The following LIN7B variants were observed in gnomAD, a reference collection of about 807,000 sequenced individuals.
LIN7B encodes protein lin-7 homolog B.
LIN7B carries 16 observed loss-of-function variants against 27.9 expected under a neutral mutation model. That is an observed-to-expected ratio of 0.57 (90% CI 0.39 to 0.87). The LOEUF (loss-of-function observed/expected upper bound fraction) is 0.87, where lower values mean the gene tolerates loss of function less well. LIN7B is among the 40% of genes least tolerant of loss of function. The pLI is 0.00. For missense variants in LIN7B, 291 were observed against 288.5 expected (o/e 1.01, Z -0.06); for synonymous variants, 147 against 120.8 (o/e 1.22, Z -1.42).
chr19:49,118,041 C>T (rs1452203228), intron 5 of LIN7B, 23 bp downstream of exon 5: 4 of 1,612,598 alleles, frequency 2.5e-6, no homozygotes, highest in East Asian at 4.5e-5. Context: ...GTCACCACAC[C>T]CCTGGGGCCT....
At chr19:49,118,291 T>C in intron 5 of LIN7B, 61 bp from the exon 6 acceptor site, 1 of 1,587,276 alleles carries the variant, frequency 6.3e-7, no homozygotes, top group South Asian at 1.1e-5. Flanking sequence ...ACCCCAGTCC[T>C]GCCCCTCTTG....
chr19:49,116,252 C>T lies in LIN7B; in HGVS notation c.229-11C>T. Reference sequence around the variant, plus strand: ...AGGGGCCCTCATCTTCAGTCGCTTTCTCTCTCCCAGGCCACAGTGGCTGCC... The same window carrying T: ...AGGGGCCCTCATCTTCAGTCGCTTTTTCTCTCCCAGGCCACAGTGGCTGCC... On this transcript the variant is annotated splice_polypyrimidine_tract_variant and intron_variant, in intron 3 of 5. Transcript: ENST00000221459. 1 of 1,608,084 alleles carries T rather than the reference C, an allele frequency of 6.2e-7. No homozygotes were observed. Among genetic ancestry groups the T allele is most frequent in the South Asian group, 1.1e-5 (1 of 90,862 alleles).
chr19:49,114,641 A>C, intron 1 of LIN7B, 200 bp downstream of exon 1: 1 of 466,114 alleles, frequency 2.1e-6, no homozygotes, highest in Non-Finnish European at 3.5e-6. Context: ...CGCCCGCCTT[A>C]CAACCCGGCC....
intron 3 of LIN7B, 70 bp from the exon 4 acceptor site, chr19:49,116,193 A>C: frequency 7.1e-7 from 1 of 1,411,580 alleles, no homozygotes; most frequent in Non-Finnish European, 9.9e-7. Context: ...TCCTCGGTCC[A>C]CATCCCCCAC....
chr19:49,117,245 CA>C lies in LIN7B; in HGVS notation c.439-592del, dbSNP rs1256318523. ...TGGGTGACAGAGTGAGACTCCCTCT[CA>C]AAAAAAAAAAAAAAAAACAAAACTC... On this transcript the variant is annotated intron_variant, in intron 4 of 5. Coordinates refer to ENST00000221459, the MANE Select transcript of LIN7B (RefSeq NM_022165.3). Among the ~76,000 whole-genome samples the C allele has an allele frequency of 4.9e-3, 180 of 36,378 alleles. 2 individuals are homozygous for C. The highest frequency in any genetic ancestry group is 0.013 in the Middle Eastern group (1 of 76). The allele number at this position is 36,378 out of a possible 152,430, so 23.9% of individuals were successfully genotyped here. A position where few individuals can be genotyped will look rare whatever the true frequency, so the allele number is the denominator to read the frequency against.
Position 49,114,971 on chromosome 19 carries a change from A to G in LIN7B, c.156+4A>G. The G allele has an allele frequency of 1.4e-6, 2 of 1,415,048 alleles. No individual in the cohort carries two copies. The highest frequency in any genetic ancestry group is 1.8e-6 in the Non-Finnish European group (2 of 1,083,122). The allele number at this position is 1,415,048 out of a possible 1,614,324, so 87.7% of individuals were successfully genotyped here. ...CTTCTGCTCCGCTATCCGAGAGGTG[A>G]GGGGCGCGCGGCGCAGGGGCGCGAG... On this transcript the variant is annotated splice_donor_region_variant and intron_variant, in intron 2 of 5. Transcript: ENST00000221459.
chr19:49,116,232 C>T, intron 3 of LIN7B, 31 bp from the exon 4 acceptor site: 1 of 1,590,078 alleles, frequency 6.3e-7, no homozygotes, highest in Non-Finnish European at 8.6e-7. Context: ...CTGGAAGGGG[C>T]CCTCATCTTC....
chr19:49,116,122 C>A, intron 3 of LIN7B, 141 bp from the exon 4 acceptor site: 1 of 640,518 alleles, frequency 1.6e-6, no homozygotes, highest in Non-Finnish European at 2.7e-6. Flanking sequence ...ACAGGGGGAT[C>A]GTGCATTGTG....
At chr19:49,115,670 G>T (rs1440735477) in intron 3 of LIN7B, among the ~76,000 whole-genome samples, 2 of 151,856 alleles carry the variant, frequency 1.3e-5, no homozygotes, top group African/African-American at 2.4e-5. Flanking sequence ...TCTCCCTCCA[G>T]GCCTGGCTTT....
intron 3 of LIN7B, chr19:49,115,904 G>C (rs1449312005): frequency 3.4e-5 from 6 of 177,126 alleles, no homozygotes; most frequent in Non-Finnish European, 7.1e-5. Flanking sequence ...TTACAACTCC[G>C]GAGGCTGAGA....
intron 1 of LIN7B, 195 bp downstream of exon 1, chr19:49,114,636 G>A (rs1015072402): frequency 2.8e-5 from 13 of 466,720 alleles, no homozygotes; most frequent in Admixed American, 2.2e-4. Flanking sequence ...CTGGGCGCCC[G>A]CCTTACAACC....
At position 49,117,879 on chromosome 19, in the gene LIN7B, A is replaced by C; in HGVS notation, c.463A>C (p.Lys155Gln). ...GAGCGTTGAGGGTGAGCAGCATGAG[A>C]AGGCGGTGGAGCTGCTGAAGGCGGC... is the stretch of plus-strand genomic sequence containing the variant. ...GVSVEGEQHEKAVELLKAAQG... is the reference protein window; with the variant it reads ...GVSVEGEQHEQAVELLKAAQG... The change falls in exon 5 of 6, where the codon AAG (lysine) becomes CAG (glutamine). Residue 155 changes from lysine (K) to glutamine (Q), a missense_variant. Coordinates refer to ENST00000221459, the MANE Select transcript of LIN7B (RefSeq NM_022165.3). 1 of 1,612,320 alleles carries C rather than the reference A, an allele frequency of 6.2e-7. No individual in the cohort carries two copies. The highest frequency in any genetic ancestry group is 8.5e-7 in the Non-Finnish European group (1 of 1,179,528).
rs1006071469 is a variant in LIN7B, at chr19:49,116,289, C to T, written c.255C>T (p.Ser85=). 4 of 1,613,662 alleles carry T rather than the reference C, an allele frequency of 2.5e-6. No homozygotes were observed. Among genetic ancestry groups the T allele is most frequent in the East Asian group, 4.5e-5 (2 of 44,864 alleles). The change falls in exon 4 of 6, where the codon AGC becomes AGT. Residue 85 remains serine, a synonymous_variant. Coordinates refer to ENST00000221459, the MANE Select transcript of LIN7B (RefSeq NM_022165.3). ...CCACAGTGGCTGCCTTCACAGCCAG[C>T]GAGGGCCACGCACATCCCAGGGTAG... The part of the protein sequence containing the change: ...AKATVAAFTA[S]EGHAHPRVVE...
chr19:49,117,362 T>TG (rs1311137074), intron 4 of LIN7B, among the ~76,000 whole-genome samples: 1 of 151,904 alleles, frequency 6.6e-6, no homozygotes, highest in East Asian at 1.9e-4. Context: ...GCTGGGACTT[T>TG]GTCCCATGGG....
Position 49,117,852 on chromosome 19 carries a change from C to T in LIN7B, c.439-3C>T, listed in dbSNP as rs1168698975. The T allele has an allele frequency of 1.2e-6, 2 of 1,613,018 alleles. No homozygotes were observed. Among genetic ancestry groups the T allele is most frequent in the African/African-American group, 2.7e-5 (2 of 74,760 alleles). ...GCTCAGCTGTCTGTGTTGGGCCCTG[C>T]AGAGCGTTGAGGGTGAGCAGCATGA... On this transcript the variant is annotated splice_region_variant and splice_polypyrimidine_tract_variant and intron_variant, in intron 4 of 5. Transcript: ENST00000221459.
intron 4 of LIN7B, among the ~76,000 whole-genome samples, chr19:49,116,874 T>G (rs1052305745): frequency 6.6e-6 from 1 of 152,136 alleles, no homozygotes; most frequent in African/African-American, 2.4e-5. Context: ...TAGATAAGGA[T>G]ACTGACTTGG....
At chr19:49,118,074 G>A (rs768023773) in intron 5 of LIN7B, 56 bp downstream of exon 5, 113 of 1,600,500 alleles carry the variant, frequency 7.1e-5, no homozygotes, top group Non-Finnish European at 8.9e-5. Context: ...TTTAACCCCA[G>A]GCTCCCAAAC....
rs1260084357 is a variant in LIN7B, at chr19:49,117,839, G to A, written c.439-16G>A. On this transcript the variant is annotated splice_polypyrimidine_tract_variant and intron_variant, in intron 4 of 5. Transcript: ENST00000221459. ...CAGCGGGCCCCAGGCTCAGCTGTCT[G>A]TGTTGGGCCCTGCAGAGCGTTGAGG... is the stretch of plus-strand genomic sequence containing the variant. 6 of 1,611,874 alleles carry A rather than the reference G, an allele frequency of 3.7e-6. No homozygotes were observed. The highest frequency in any genetic ancestry group is 4.2e-6 in the Non-Finnish European group (5 of 1,178,436).
Position 49,118,296 on chromosome 19 carries a change from C to G in LIN7B, c.603-56C>G, listed in dbSNP as rs376014643. 83 of 1,601,552 alleles carry G rather than the reference C, an allele frequency of 5.2e-5. No homozygotes were observed. The East Asian group carries it at 1.5e-3, about 28-fold the overall frequency. On this transcript the variant is annotated intron_variant, in intron 5 of 5. Transcript: ENST00000221459. ...TGCCTCTGCAACCCCAGTCCTGCCC[C>G]TCTTGTCTACCCGGAGCCTCCCTGA...
Sources: allele counts gnomAD v4.1 joint callset (sites outside exome capture counted in the v4.1 genomes callset), GRCh38; gene constraint gnomAD v4.1.1; transcripts MANE v1.5; gene names NCBI Gene and HGNC (gene_info 2026-07-23, HGNC 2026-07-21).